Variants in DGLUCY observed in about 807,000 individuals in gnomAD.
The protein encoded by DGLUCY is D-glutamate cyclase, mitochondrial.
In DGLUCY, 58 loss-of-function variants were observed where a neutral mutation model predicts 58.5. The observed-to-expected ratio is 0.99, with a 90% CI of 0.80 to 1.23. The LOEUF (loss-of-function observed/expected upper bound fraction) is 1.23, where lower values mean the gene tolerates loss of function less well. DGLUCY is among the 50% of genes most tolerant of loss of function. DGLUCY has a pLI of 0.00. For synonymous variants in DGLUCY, 325 were observed against 314.1 expected, an observed-to-expected ratio of 1.03 and a Z score of -0.37; for missense variants, 779 against 784.7, an observed-to-expected ratio of 0.99 and a Z score of 0.09.
chr14:91,082,200 A>AT (rs151012192), intron 1 of DGLUCY, among the ~76,000 whole-genome samples: 2,236 of 152,282 alleles, frequency 0.015, 40 homozygotes, highest in African/African-American at 0.051. Flanking sequence ...TGTAGAGGGT[A>AT]TTTGTCAGTT....
intron 9 of DGLUCY, among the ~76,000 whole-genome samples, chr14:91,190,244 C>T (rs890924429): frequency 6.6e-6 from 1 of 152,050 alleles, no homozygotes; most frequent in Non-Finnish European, 1.5e-5. Flanking sequence ...GCCTCGGCCT[C>T]CCAAAGTGCT....
intron 5 of DGLUCY, among the ~76,000 whole-genome samples, chr14:91,171,025 G>A (rs2048549296): frequency 6.6e-6 from 1 of 152,150 alleles, no homozygotes; most frequent in African/African-American, 2.4e-5. Flanking sequence ...TGCCCGAGCG[G>A]TTCTCTTGAA....
intron 5 of DGLUCY, 76 bp downstream of exon 5, chr14:91,170,277 G>T (rs2048506423): frequency 2.7e-6 from 4 of 1,473,896 alleles, no homozygotes; most frequent in Non-Finnish European, 3.7e-6. Flanking sequence ...CCTGGGGTGG[G>T]GAGAACATGG....
chr14:91,188,873 AT>A, intron 8 of DGLUCY, 36 bp from the exon 9 acceptor site: 1 of 1,567,754 alleles, frequency 6.4e-7, no homozygotes, highest in Non-Finnish European at 8.6e-7. Flanking sequence ...AATTTTAAAA[AT>A]ATAGTTACTT....
intron 1 of DGLUCY, among the ~76,000 whole-genome samples, chr14:91,124,003 C>T (rs2045542141): frequency 6.7e-6 from 1 of 149,322 alleles, no homozygotes; most frequent in Non-Finnish European, 1.5e-5. Context: ...TCTTGGCTTA[C>T]TGCAACCTCT....
chr14:91,215,296 T>C lies in DGLUCY; in HGVS notation c.1565-109T>C. 3 of 1,489,728 alleles carry C rather than the reference T, an allele frequency of 2.0e-6. No homozygotes were observed. In the East Asian group the frequency reaches 6.9e-5, roughly 34 times the overall value. 92.3% of individuals were successfully genotyped at this position (1,489,728 alleles called of 1,614,324 possible). ...CTAGCAAGCTCCCAGATGATACTGG[T>C]GCTACGGGACCGTGGACCAGTCCTG... On this transcript the variant is annotated intron_variant, in intron 12 of 13. Transcript: ENST00000256324.
chr14:91,116,769 C>T (rs908468634), intron 1 of DGLUCY, among the ~76,000 whole-genome samples: 11 of 152,132 alleles, frequency 7.2e-5, no homozygotes, highest in African/African-American at 2.4e-4. Context: ...CATAGTGAAA[C>T]CCCATCTCTA....
chr14:91,110,651 G>A (rs12431800), upstream of DGLUCY, among the ~76,000 whole-genome samples: 20,412 of 151,748 alleles, frequency 0.13, 1,464 homozygotes, highest in African/African-American at 0.16. Flanking sequence ...GGCTGGTCTC[G>A]AACTCCTGAT....
At chr14:91,173,653 G>GT (rs1428104144) in intron 6 of DGLUCY, 1 of 582,088 alleles carries the variant, frequency 1.7e-6, no homozygotes, top group African/African-American at 1.9e-5. Flanking sequence ...GCTTGTCTTT[G>GT]TTTTTACCAG....
Position 91,121,428 on chromosome 14 carries a change from C to CA in DGLUCY, c.-82+7145_-82+7146insA, listed in dbSNP as rs2045350856. Among the ~76,000 whole-genome samples the CA allele has an allele frequency of 2.6e-5, 4 of 152,038 alleles. No individual in the cohort carries two copies. The South Asian group carries it at 8.3e-4, about 31-fold the overall frequency. ...TTTTGGCTGGGCGCAGTGGCTCACG[C>CA]CTGTAATCTCAGCACGTTGGGAGGC... On this transcript the variant is annotated intron_variant, in intron 1 of 13. Coordinates refer to ENST00000256324, the MANE Select transcript of DGLUCY (RefSeq NM_001102368.3).
chr14:91,109,189 A>G (rs895993525), upstream of DGLUCY, among the ~76,000 whole-genome samples: 1 of 152,138 alleles, frequency 6.6e-6, no homozygotes, highest in Non-Finnish European at 1.5e-5. Flanking sequence ...TGTGGCTGAG[A>G]AATATACTTT....
At chr14:91,195,312 G>C (rs912463313) in intron 9 of DGLUCY, among the ~76,000 whole-genome samples, 2 of 152,136 alleles carry the variant, frequency 1.3e-5, no homozygotes, top group African/African-American at 4.8e-5. Flanking sequence ...TGAAAACCAA[G>C]TTCATTTTAT....
At chr14:91,150,226 A>AAAAG (rs1484767276) in intron 1 of DGLUCY, among the ~76,000 whole-genome samples, 2 of 149,710 alleles carry the variant, frequency 1.3e-5, no homozygotes, top group Non-Finnish European at 3.0e-5. Flanking sequence ...CTCAAAAAAA[A>AAAAG]AAAAAAAAAA....
intron 10 of DGLUCY, among the ~76,000 whole-genome samples, chr14:91,198,809 TAC>T (rs2050376356): frequency 6.6e-6 from 1 of 151,992 alleles, no homozygotes; most frequent in African/African-American, 2.4e-5. Context: ...CTGTGTGAGG[TAC>T]ACAGTGTGGT....
At chr14:91,224,467 GT>G (rs1245896665) in intron 13 of DGLUCY, among the ~76,000 whole-genome samples, 1 of 152,194 alleles carries the variant, frequency 6.6e-6, no homozygotes. Flanking sequence ...TCCCGTGATT[GT>G]TTCTGGGGAG....
At chr14:91,145,042 T>A (rs2046939565) in intron 1 of DGLUCY, among the ~76,000 whole-genome samples, 1 of 152,162 alleles carries the variant, frequency 6.6e-6, no homozygotes, top group Admixed American at 6.5e-5. Flanking sequence ...TTATAGAGCC[T>A]AATCCTTTAT....
intron 13 of DGLUCY, among the ~76,000 whole-genome samples, chr14:91,217,003 G>A (rs1330200755): frequency 6.6e-6 from 1 of 152,204 alleles, no homozygotes; most frequent in Non-Finnish European, 1.5e-5. Flanking sequence ...GGCCCTCTTA[G>A]AGCAAGCTCC....
At chr14:91,166,510 C>G (rs1190098335) in intron 3 of DGLUCY, among the ~76,000 whole-genome samples, 19 of 151,972 alleles carry the variant, frequency 1.3e-4, no homozygotes, top group Non-Finnish European at 2.8e-4. Flanking sequence ...ACTAAAAATA[C>G]AAAAATTAGC....
At chr14:91,173,861 T>C (rs992381963) in intron 6 of DGLUCY, 1 of 151,692 alleles carries the variant, frequency 6.6e-6, no homozygotes, top group Admixed American at 6.6e-5. Flanking sequence ...GGAAAAAATA[T>C]ATATATATAT....
Sources: gnomAD v4.1 joint callset for allele counts (sites outside exome capture counted in the v4.1 genomes callset) on GRCh38, gnomAD v4.1.1 for gene constraint, MANE v1.5 for transcripts, NCBI Gene and HGNC (gene_info 2026-07-23, HGNC 2026-07-21) for gene names.